The following RBFOX1 variants were observed in gnomAD, a reference collection of about 807,000 sequenced individuals.
The protein encoded by RBFOX1 is RNA binding protein fox-1 homolog 1.
RBFOX1 carries 8 observed loss-of-function variants against 57.7 expected under a neutral mutation model. That is an observed-to-expected ratio of 0.14 (90% CI 0.08 to 0.25). The LOEUF is 0.25. RBFOX1 is among the 10% of genes least tolerant of loss of function. The pLI is 1.00. For missense variants in RBFOX1, 611 were observed against 548.5 expected, an observed-to-expected ratio of 1.11 and a Z score of -1.14; for synonymous variants, 326 against 222.4, an observed-to-expected ratio of 1.47 and a Z score of -4.15.
intron 1 of RBFOX1, among the ~76,000 whole-genome samples, chr16:5,450,623 G>T (rs1360232539): frequency 6.6e-6 from 1 of 152,302 alleles, no homozygotes; most frequent in Non-Finnish European, 1.5e-5. Flanking sequence ...TCCACAGGGG[G>T]ATCTCAGTGC....
At chr16:7,057,123 A>G (rs2052575433) in intron 4 of RBFOX1, among the ~76,000 whole-genome samples, 1 of 152,094 alleles carries the variant, frequency 6.6e-6, no homozygotes, top group African/African-American at 2.4e-5. Context: ...TCTTCCTCCT[A>G]GAAATACCAG....
At chr16:6,954,165 T>G (rs1248028782) in intron 3 of RBFOX1, among the ~76,000 whole-genome samples, 2 of 152,128 alleles carry the variant, frequency 1.3e-5, no homozygotes, top group African/African-American at 4.8e-5. Flanking sequence ...TGGTTTTGAT[T>G]TATTTTGATG....
At chr16:7,703,780 C>G (rs1410108867) in intron 14 of RBFOX1, among the ~76,000 whole-genome samples, 3 of 152,300 alleles carry the variant, frequency 2.0e-5, no homozygotes, top group South Asian at 2.1e-4. Flanking sequence ...CCAACACAAC[C>G]TTAAGTTCAA....
In RBFOX1 at chr16:5,633,611, C is replaced by T. The variant is rs141215051; in HGVS notation, c.318+34650C>T. 5.9e-3 allele frequency among the ~76,000 whole-genome samples: 898 copies of T among 152,166 alleles called. 8 individuals carry two copies. Among genetic ancestry groups the T allele is most frequent in the African/African-American group, 0.021 (851 of 41,508 alleles). ...GTAAAGGGCTGGGTGTGGTGGCTCACGCCTGTAATCCCAGCACTTTGGGAG... is the reference window on the plus strand; with the variant it reads ...GTAAAGGGCTGGGTGTGGTGGCTCATGCCTGTAATCCCAGCACTTTGGGAG... On this transcript the variant is annotated intron_variant, in intron 3 of 19. Coordinates refer to the RBFOX1 transcript ENST00000641259.
chr16:6,274,941 G>C (rs1237793720), intron 1 of RBFOX1, among the ~76,000 whole-genome samples: 2 of 152,120 alleles, frequency 1.3e-5, no homozygotes, highest in East Asian at 1.9e-4. Flanking sequence ...AAGCATTCTG[G>C]ACAACAGAGT....
chr16:5,900,551 C>T (rs1027599553), intron 4 of RBFOX1, among the ~76,000 whole-genome samples: 2 of 152,184 alleles, frequency 1.3e-5, no homozygotes. Context: ...TGTCTGGACC[C>T]GTTCATCGCA....
intron 3 of RBFOX1, among the ~76,000 whole-genome samples, chr16:5,854,711 C>T (rs1164535071): frequency 6.6e-6 from 1 of 152,188 alleles, no homozygotes; most frequent in East Asian, 1.9e-4. Flanking sequence ...GTGCACATAT[C>T]TTTGAGATAC....
chr16:5,890,339 C>A (rs899534198), intron 4 of RBFOX1, among the ~76,000 whole-genome samples: 4 of 152,112 alleles, frequency 2.6e-5, no homozygotes, highest in African/African-American at 9.7e-5. Context: ...GTGAAGCTAG[C>A]GATAATTTCA....
chr16:7,552,155 C>G (rs1403022002), intron 5 of RBFOX1, among the ~76,000 whole-genome samples: 14 of 152,168 alleles, frequency 9.2e-5, no homozygotes, highest in Non-Finnish European at 2.1e-4. Context: ...ATATCTTTAT[C>G]CAGTTATCCT....
chr16:5,815,538 CA>C (rs1458620157), intron 3 of RBFOX1, among the ~76,000 whole-genome samples: 2 of 152,058 alleles, frequency 1.3e-5, no homozygotes, highest in Non-Finnish European at 2.9e-5. Flanking sequence ...GTTTGGACCC[CA>C]CTCAGAAAGT....
At chr16:6,157,864 A>C (rs1052599695) in intron 1 of RBFOX1, among the ~76,000 whole-genome samples, 1 of 152,332 alleles carries the variant, frequency 6.6e-6, no homozygotes, top group Admixed American at 6.5e-5. Context: ...TGTGAACTCC[A>C]GTGAAAAGAA....
chr16:7,442,521 C>G (rs763866413), intron 4 of RBFOX1, among the ~76,000 whole-genome samples: 1 of 152,042 alleles, frequency 6.6e-6, no homozygotes, highest in African/African-American at 2.4e-5. Flanking sequence ...ATGAGGAGGC[C>G]GCAAACTGCT....
chr16:7,449,802 G>C (rs1049630681), intron 4 of RBFOX1, among the ~76,000 whole-genome samples: 31 of 149,950 alleles, frequency 2.1e-4, no homozygotes, highest in African/African-American at 7.4e-4. Flanking sequence ...CACTGCTTCT[G>C]TGACATAAAG....
At chr16:6,179,038 G>T (rs923772141) in intron 1 of RBFOX1, among the ~76,000 whole-genome samples, 6 of 152,140 alleles carry the variant, frequency 3.9e-5, no homozygotes, top group Non-Finnish European at 8.8e-5. Context: ...GACCATCATG[G>T]GCTGAACTCA....
rs570059486 is a variant in RBFOX1 at position 5,308,798 on chromosome 16, TC to T, written c.219+68695del. ...TTATATTAAGTATACAGTCAAGTTTTCCTCTCTTGTGTCTTTTTCTGGAGAT... is the reference window on the plus strand; with the variant it reads ...TTATATTAAGTATACAGTCAAGTTTTCTCTCTTGTGTCTTTTTCTGGAGAT... On this transcript the variant is annotated intron_variant, in intron 1 of 2. Coordinates refer to the RBFOX1 transcript ENST00000585867. 2.0e-3 allele frequency among the ~76,000 whole-genome samples: 302 copies of T among 152,274 alleles called. 6 individuals carry two copies. Among genetic ancestry groups the T allele is most frequent in the Admixed American group, 0.019 (295 of 15,288 alleles).
intron 3 of RBFOX1, among the ~76,000 whole-genome samples, chr16:6,807,667 T>G (rs116851178): frequency 0.03 from 4,507 of 151,934 alleles, 212 homozygotes; most frequent in South Asian, 0.15. Context: ...AATAAAAAAT[T>G]TGGCTGGGCA....
chr16:7,520,279 A>T (rs536544607), intron 5 of RBFOX1, among the ~76,000 whole-genome samples: 1 of 152,208 alleles, frequency 6.6e-6, no homozygotes, highest in South Asian at 2.1e-4. Flanking sequence ...TACATATAAC[A>T]TAAAACTTAA....
intron 5 of RBFOX1, among the ~76,000 whole-genome samples, chr16:7,578,627 A>G (rs1314757930): frequency 1.3e-5 from 2 of 152,196 alleles, no homozygotes; most frequent in Non-Finnish European, 2.9e-5. Flanking sequence ...TGTCCCAATT[A>G]TGTACTTCTA....
At chr16:7,504,741 A>ATATATATATT (rs2072389176) in intron 4 of RBFOX1, among the ~76,000 whole-genome samples, 6 of 10,274 alleles carry the variant, frequency 5.8e-4, no homozygotes, top group South Asian at 3.9e-3. Context: ...ATATATATAT[A>ATATATATATT]TATATATATA....
Sources: allele counts gnomAD v4.1 joint callset (sites outside exome capture counted in the v4.1 genomes callset), GRCh38; gene constraint gnomAD v4.1.1; transcripts MANE v1.5; gene names NCBI Gene and HGNC (gene_info 2026-07-23, HGNC 2026-07-21).